The following ZNF676 variants were observed in gnomAD, a reference collection of about 807,000 sequenced individuals.
ZNF676 encodes zinc finger protein 676.
Under a neutral mutation model 6.0 loss-of-function variants are expected in ZNF676, and 4 were observed. The ratio of observed to expected loss-of-function variants is 0.67; its 90% CI spans 0.33 to 1.53. The LOEUF (loss-of-function observed/expected upper bound fraction) is 1.53, where lower values mean the gene tolerates loss of function less well. Among genes scored for constraint, ZNF676 ranks in the 40% most tolerant of loss-of-function variants. ZNF676 has a pLI of 0.06. For synonymous variants in ZNF676, 198 were observed against 223.1 expected, an observed-to-expected ratio of 0.89 and a Z score of 1.00; for missense variants, 644 against 679.7, an observed-to-expected ratio of 0.95 and a Z score of 0.58.
chr19:22,193,287 G>C (rs1482019110), intron 1 of ZNF676, among the ~76,000 whole-genome samples, 176 bp from the exon 2 acceptor site: 1 of 152,130 alleles, frequency 6.6e-6, no homozygotes, highest in African/African-American at 2.4e-5. Flanking sequence ...AAGTTCTGTT[G>C]AAACAGTCTG....
upstream of ZNF676, among the ~76,000 whole-genome samples, chr19:22,199,027 T>C (rs1273611985): frequency 2.0e-5 from 3 of 151,066 alleles, no homozygotes; most frequent in African/African-American, 7.4e-5. Context: ...ATAAACAGAA[T>C]CCATGGAAAG....
chr19:22,197,479 C>CAGA (rs35304449), upstream of ZNF676, among the ~76,000 whole-genome samples: 68,058 of 149,914 alleles, frequency 0.45, 16,530 homozygotes, highest in African/African-American at 0.65. Context: ...TTTTTTTTTT[C>CAGA]AGATCTGGGA....
chr19:22,253,382 A>ATATATGATAATG, the ZNF676 span, among the ~76,000 whole-genome samples: 3 of 102,872 alleles, frequency 2.9e-5, no homozygotes, highest in African/African-American at 7.3e-5. Flanking sequence ...GTATATATAT[A>ATATATGATAATG]TATATATATA....
At chr19:22,210,677 T>C (rs890301129) in intron 1 of ZNF676, among the ~76,000 whole-genome samples, 2 of 152,202 alleles carry the variant, frequency 1.3e-5, no homozygotes, top group Non-Finnish European at 2.9e-5. Context: ...TGCTCTCTTT[T>C]CTTACCTACT....
chr19:22,240,347 T>C, the ZNF676 span, among the ~76,000 whole-genome samples: 5 of 151,964 alleles, frequency 3.3e-5, no homozygotes, highest in South Asian at 4.1e-4. Context: ...ATGTCTTCCA[T>C]AGGCAAAGCC....
Position 22,181,505 on chromosome 19 carries a change from T to G in ZNF676, c.212A>C (p.Tyr71Ser). 1 of 1,613,154 alleles carries G rather than the reference T, an allele frequency of 6.2e-7. No homozygotes were observed. Among genetic ancestry groups the G allele is most frequent in the Non-Finnish European group, 8.5e-7 (1 of 1,179,626 alleles). The change falls in exon 3 of 3, where the codon TAT (tyrosine) becomes TCT (serine). Residue 71 changes from tyrosine (Y) to serine (S), a missense_variant. By Grantham distance (144) the Tyr-to-Ser change is moderately radical. Coordinates refer to ENST00000397121, the MANE Select transcript of ZNF676 (RefSeq NM_001001411.3). ...DSFQKMILRR[Y>S]DKCGHENLHL... is the part of the protein sequence containing the mutation. ...TAAATTCTCATGTCCACATTTGTCATATCTTCTCAATATCATTTTTTGGAA... is the reference window on the plus strand; with the variant it reads ...TAAATTCTCATGTCCACATTTGTCAGATCTTCTCAATATCATTTTTTGGAA...
chr19:22,229,049 C>T, the ZNF676 span, among the ~76,000 whole-genome samples: 2 of 152,138 alleles, frequency 1.3e-5, no homozygotes, highest in African/African-American at 4.8e-5. Context: ...CCAAGACAAT[C>T]CTAAACAAAA....
chr19:22,232,740 A>G, the ZNF676 span, among the ~76,000 whole-genome samples: 1 of 152,138 alleles, frequency 6.6e-6, no homozygotes, highest in Non-Finnish European at 1.5e-5. Flanking sequence ...AAATGAAGTG[A>G]CAGTATGAAA....
chr19:22,219,987 G>A (rs752328642), upstream of ZNF676, among the ~76,000 whole-genome samples: 2 of 152,040 alleles, frequency 1.3e-5, no homozygotes, highest in Admixed American at 1.3e-4. Flanking sequence ...CTTACAATAT[G>A]TTCCCTCTAT....
chr19:22,231,847 G>T, the ZNF676 span, among the ~76,000 whole-genome samples: 1 of 151,914 alleles, frequency 6.6e-6, no homozygotes, highest in African/African-American at 2.4e-5. Flanking sequence ...TGATCCACCC[G>T]CCTCAGCCTC....
chr19:22,200,433 A>G (rs2024013285), upstream of ZNF676, among the ~76,000 whole-genome samples: 1 of 151,620 alleles, frequency 6.6e-6, no homozygotes, highest in African/African-American at 2.4e-5. Context: ...TACCCACCAT[A>G]TGATGCATAA....
the ZNF676 span, among the ~76,000 whole-genome samples, chr19:22,224,115 C>T: frequency 6.7e-6 from 1 of 150,132 alleles, no homozygotes; most frequent in Non-Finnish European, 1.5e-5. Flanking sequence ...ACCTGCCTTC[C>T]ATGAGTACAC....
chr19:22,238,297 GC>G, the ZNF676 span, among the ~76,000 whole-genome samples: 11 of 152,056 alleles, frequency 7.2e-5, no homozygotes, highest in Non-Finnish European at 1.5e-4. Flanking sequence ...TGATCCACCT[GC>G]CTCAGCACCC....
At chr19:22,217,521 C>T (rs150450367), upstream of ZNF676, among the ~76,000 whole-genome samples, 16 of 151,872 alleles carry the variant, frequency 1.1e-4, no homozygotes, top group Admixed American at 3.3e-4. Flanking sequence ...AATTGTTATG[C>T]CTTTGCATCT....
chr19:22,216,558 A>C (rs1371385135), upstream of ZNF676, among the ~76,000 whole-genome samples: 1 of 152,062 alleles, frequency 6.6e-6, no homozygotes, highest in Non-Finnish European at 1.5e-5. Context: ...AACACTCTAG[A>C]TGTTCATATA....
chr19:22,230,274 C>A, the ZNF676 span, among the ~76,000 whole-genome samples: 243 of 152,278 alleles, frequency 1.6e-3, 2 homozygotes, highest in African/African-American at 4.9e-3. Flanking sequence ...TGCATGTTCT[C>A]ACTCATAAGT....
At chr19:22,226,438 G>A in the ZNF676 span, among the ~76,000 whole-genome samples, 3 of 151,962 alleles carry the variant, frequency 2.0e-5, no homozygotes, top group Admixed American at 6.6e-5. Flanking sequence ...TGTGCTATTA[G>A]GAATTTTATA....
At chr19:22,185,751 G>T (rs2023829509) in intron 2 of ZNF676, among the ~76,000 whole-genome samples, 1 of 152,140 alleles carries the variant, frequency 6.6e-6, no homozygotes, top group African/African-American at 2.4e-5. Flanking sequence ...AGTATCAATA[G>T]CTGAATCGAT....
At chr19:22,246,063 G>A in the ZNF676 span, among the ~76,000 whole-genome samples, 1 of 152,188 alleles carries the variant, frequency 6.6e-6, no homozygotes, top group Middle Eastern at 3.4e-3. Context: ...GGCAAACAAG[G>A]AGAATCATAA....
Sources: gnomAD v4.1 joint callset for allele counts (sites outside exome capture counted in the v4.1 genomes callset) on GRCh38, gnomAD v4.1.1 for gene constraint, MANE v1.5 for transcripts, NCBI Gene and HGNC (gene_info 2026-07-23, HGNC 2026-07-21) for gene names.